Variants in DIP2C observed in about 807,000 individuals in gnomAD.
DIP2C encodes DIP2 acetate--CoA ligase C (putative), also known as disco-interacting protein 2 homolog C.
In DIP2C, 33 loss-of-function variants were observed where a neutral mutation model predicts 192.4. That is an observed-to-expected ratio of 0.17 (90% confidence interval 0.13 to 0.23). The LOEUF (loss-of-function observed/expected upper bound fraction) is 0.23. Ranked by LOEUF, DIP2C falls within the 10% of genes least tolerant of loss-of-function variation. The pLI is 1.00. For synonymous variants in DIP2C, 979 were observed against 864.1 expected, an observed-to-expected ratio of 1.13 and a Z score of -2.33; for missense variants, 1,537 against 2,110.1, an observed-to-expected ratio of 0.73 and a Z score of 5.32.
chr10:538,309 A>G lies in DIP2C; in HGVS notation c.86-51779T>C, dbSNP rs538691667. Among the ~76,000 whole-genome samples the G allele has an allele frequency of 4.6e-5, 7 of 151,592 alleles. No individual in the cohort carries two copies. In the East Asian group the frequency reaches 1.4e-3, roughly 30 times the overall value. On this transcript the variant is annotated intron_variant, in intron 1 of 36. Transcript: ENST00000280886. ...GTAGCTAGGACTACAGGTGTGCACC[A>G]CCACACTCGGCTAGTTCTTTTTTGT...
chr10:488,143 T>G (rs2133566888), intron 1 of DIP2C, among the ~76,000 whole-genome samples: 1 of 152,298 alleles, frequency 6.6e-6, no homozygotes, highest in South Asian at 2.1e-4. Flanking sequence ...AAATCCTAGG[T>G]TACTATCATC....
chr10:282,872 G>A (rs543714767), intron 35 of DIP2C, among the ~76,000 whole-genome samples: 101 of 152,364 alleles, frequency 6.6e-4, no homozygotes, highest in African/African-American at 2.3e-3. Context: ...CAGCATGCAC[G>A]TTCCTGCAGC....
At chr10:342,676 A>G (rs1038830076) in intron 28 of DIP2C, among the ~76,000 whole-genome samples, 3 of 152,124 alleles carry the variant, frequency 2.0e-5, no homozygotes, top group Non-Finnish European at 4.4e-5. Flanking sequence ...GCTGCCTGTG[A>G]CATAAGTTAG....
chr10:549,483 T>TCA (rs1241057121), intron 1 of DIP2C, among the ~76,000 whole-genome samples: 1 of 152,072 alleles, frequency 6.6e-6, no homozygotes, highest in East Asian at 1.9e-4. Context: ...CCAATGAGCT[T>TCA]CACCAACACC....
Position 384,585 on chromosome 10 carries a change from T to C in DIP2C, c.1717A>G (p.Asn573Asp). 6 of 1,613,980 alleles carry C rather than the reference T, an allele frequency of 3.7e-6. No individual in the cohort carries two copies. The highest frequency in any genetic ancestry group is 4.2e-6 in the Non-Finnish European group (5 of 1,180,022). ...ACCTTCTGGATCCAGGAGAGAGGGT[T>C]CACCTTCATCAGCGAGTACGGGATG... ...ISIPYSLMKV[N>D]PLSWIQKVCQ... The change falls in exon 15 of 37, where the codon AAC becomes GAC. Residue 573 changes from asparagine (N) to aspartate (D), a missense_variant. Coordinates refer to ENST00000280886, the MANE Select transcript of DIP2C (RefSeq NM_014974.3).
At chr10:579,412 T>C (rs557273191) in intron 1 of DIP2C, among the ~76,000 whole-genome samples, 15 of 151,850 alleles carry the variant, frequency 9.9e-5, no homozygotes, top group African/African-American at 3.1e-4. Flanking sequence ...CAGATCCATA[T>C]AGCGTATGTA....
rs147696956 is a variant in DIP2C, at chr10:335,818, T to C, written c.3584+5381A>G. Among the ~76,000 whole-genome samples the C allele has an allele frequency of 6.8e-4, 103 of 152,378 alleles. 1 individual carries two copies. The highest frequency in any genetic ancestry group is 2.3e-3 in the African/African-American group (96 of 41,594). ...GGATGGCTACTATAGAAATCCTCAC[T>C]TCTCATCAAGCTTTCCATTTGTTCA... On this transcript the variant is annotated intron_variant, in intron 29 of 36. Transcript: ENST00000280886.
Position 439,944 on chromosome 10 carries a change from A to G in DIP2C, c.394+927T>C, listed in dbSNP as rs569415031. 1.8e-3 allele frequency among the ~76,000 whole-genome samples: 267 copies of G among 152,322 alleles called. 3 individuals carry two copies. The highest frequency in any genetic ancestry group is 6.1e-3 in the African/African-American group (252 of 41,564). On this transcript the variant is annotated intron_variant, in intron 4 of 36. Coordinates refer to ENST00000280886, the MANE Select transcript of DIP2C (RefSeq NM_014974.3). ...GGTGTGTAGCTTCAAAGTGGGATGT[A>G]AGGTGATTTAGGTCCTTTGAGAAGA... is the stretch of plus-strand genomic sequence containing the variant.
At chr10:552,666 C>T (rs977825710) in intron 1 of DIP2C, among the ~76,000 whole-genome samples, 3 of 152,130 alleles carry the variant, frequency 2.0e-5, no homozygotes, top group East Asian at 3.9e-4. Context: ...CTGGCTAACA[C>T]GGTGAAACCC....
Position 419,344 on chromosome 10 carries a change from T to C in DIP2C, c.605-145A>G, listed in dbSNP as rs1447590551. The C allele has an allele frequency of 6.1e-6, 7 of 1,150,736 alleles. 1 individual carries two copies. The Middle Eastern group carries it at 6.2e-4, about 102-fold the overall frequency. 71.3% of individuals were successfully genotyped at this position (1,150,736 alleles called of 1,614,324 possible). On this transcript the variant is annotated intron_variant, in intron 5 of 36. Transcript: ENST00000280886. ...AGCCAGAGCCGATCTCAGCCGCATC[T>C]GCCACACACATCCAGCACAAAGGGG...
chr10:414,735 G>GTGTATATATATATATATATATAA (rs1564679862), intron 7 of DIP2C, among the ~76,000 whole-genome samples: 1 of 53,068 alleles, frequency 1.9e-5, no homozygotes, highest in African/African-American at 6.7e-5. Flanking sequence ...GTGTGTGTGT[G>GTGTATATATATATATATATATAA]TGTGTACATA....
intron 1 of DIP2C, among the ~76,000 whole-genome samples, chr10:492,631 TTTAA>T (rs751602829): frequency 1.3e-5 from 2 of 152,180 alleles, no homozygotes; most frequent in Non-Finnish European, 2.9e-5. Context: ...CACACAAATA[TTTAA>T]TTAACGGTAG....
chr10:539,309 A>G (rs1178835415), intron 1 of DIP2C, among the ~76,000 whole-genome samples: 1 of 151,622 alleles, frequency 6.6e-6, no homozygotes, highest in Non-Finnish European at 1.5e-5. Flanking sequence ...TAGATCAAGA[A>G]TATTTTTTTA....
chr10:419,854 A>G (rs1966059063), intron 5 of DIP2C, among the ~76,000 whole-genome samples: 1 of 152,212 alleles, frequency 6.6e-6, no homozygotes, highest in Non-Finnish European at 1.5e-5. Context: ...AAGGCCAATG[A>G]GCGCGTGGAG....
chr10:366,909 T>G (rs1960291479), intron 18 of DIP2C, among the ~76,000 whole-genome samples: 1 of 152,176 alleles, frequency 6.6e-6, no homozygotes, highest in African/African-American at 2.4e-5. Flanking sequence ...CACTGGTCTG[T>G]GCCACCAACA....
chr10:619,549 A>G (rs934092992), intron 1 of DIP2C, among the ~76,000 whole-genome samples: 5 of 14,570 alleles, frequency 3.4e-4, no homozygotes, highest in African/African-American at 1.1e-3. Context: ...CCGCCCTCCC[A>G]CCCAGCTCCT....
At chr10:567,637 G>A (rs572357631) in intron 1 of DIP2C, among the ~76,000 whole-genome samples, 4 of 152,304 alleles carry the variant, frequency 2.6e-5, no homozygotes, top group African/African-American at 9.6e-5. Context: ...GCATGACATA[G>A]AAAAGTTTGG....
intron 1 of DIP2C, among the ~76,000 whole-genome samples, chr10:576,777 C>G (rs147148015): frequency 6.6e-6 from 1 of 152,020 alleles, no homozygotes; most frequent in Non-Finnish European, 1.5e-5. Context: ...CATGGTGGCA[C>G]GCGCCTGTAA....
intron 1 of DIP2C, among the ~76,000 whole-genome samples, chr10:521,525 G>A (rs1846706692): frequency 6.6e-6 from 1 of 152,196 alleles, no homozygotes; most frequent in African/African-American, 2.4e-5. Context: ...GCTCACTGGG[G>A]TGAGACCATG....
Sources: allele counts gnomAD v4.1 joint callset (sites outside exome capture counted in the v4.1 genomes callset), GRCh38; gene constraint gnomAD v4.1.1; transcripts MANE v1.5; gene names NCBI Gene and HGNC (gene_info 2026-07-23, HGNC 2026-07-21).